SIDT1: variants seen among roughly 807,000 people sequenced by gnomAD.
The protein encoded by SIDT1 is SID1 transmembrane family member 1, also known as SID1 transmembrane family, member 1.
A neutral mutation model predicts 107.5 loss-of-function variants in SIDT1; 101 were observed. The ratio of observed to expected loss-of-function variants is 0.94; its 90% CI spans 0.80 to 1.11. SIDT1 has a LOEUF of 1.11. Ranked by LOEUF, SIDT1 falls within the 50% of genes least tolerant of loss-of-function variation. SIDT1 has a pLI of 0.00. For missense variants in SIDT1, 1,076 were observed against 1,058.2 expected (o/e 1.02, Z -0.23); for synonymous variants, 395 against 398.2 (o/e 0.99, Z 0.10).
chr3:113,631,993 T>C (rs903894269), downstream of SIDT1, among the ~76,000 whole-genome samples: 9 of 152,312 alleles, frequency 5.9e-5, no homozygotes, highest in African/African-American at 2.2e-4. Context: ...TCCTACATCT[T>C]TTTGTCTACC....
intron 3 of SIDT1, among the ~76,000 whole-genome samples, chr3:113,571,447 T>C (rs1440756819): frequency 2.0e-5 from 3 of 148,970 alleles, no homozygotes; most frequent in Non-Finnish European, 4.5e-5. Context: ...GAAACAACTC[T>C]ACTTTAAAGC....
intron 1 of SIDT1, among the ~76,000 whole-genome samples, chr3:113,546,181 T>C (rs936478997): frequency 6.6e-6 from 1 of 152,158 alleles, no homozygotes; most frequent in Non-Finnish European, 1.5e-5. Flanking sequence ...ACTGATAAGA[T>C]GAGAGGATTG....
rs549515466 is a variant in SIDT1, at chr3:113,616,978, G to A, written c.2043+802G>A. Among the ~76,000 whole-genome samples the A allele has an allele frequency of 8.5e-5, 13 of 152,168 alleles. No homozygotes were observed. In the East Asian group the frequency reaches 2.3e-3, roughly 27 times the overall value. On this transcript the variant is annotated intron_variant, in intron 20 of 24. Transcript: ENST00000264852. Reference sequence around the variant, plus strand: ...GCTGGGATTACAGACGTGAGCCACCGTGCCCTGCCCAATAATGAAATTTTT... The same window carrying A: ...GCTGGGATTACAGACGTGAGCCACCATGCCCTGCCCAATAATGAAATTTTT...
chr3:113,573,239 G>A (rs1942621809), intron 3 of SIDT1, among the ~76,000 whole-genome samples: 1 of 152,206 alleles, frequency 6.6e-6, no homozygotes, highest in Non-Finnish European at 1.5e-5. Context: ...CTTTTATCAT[G>A]TGGAGTTTGA....
intron 18 of SIDT1, among the ~76,000 whole-genome samples, 175 bp from the exon 19 acceptor site, chr3:113,611,910 CT>C (rs55955952): frequency 0.43 from 62,545 of 146,676 alleles, 13,548 homozygotes; most frequent in African/African-American, 0.55. Context: ...GCCCAGTAGC[CT>C]TTTTTTTTTT....
At chr3:113,618,940 T>C (rs1268292106) in intron 20 of SIDT1, among the ~76,000 whole-genome samples, 1 of 152,196 alleles carries the variant, frequency 6.6e-6, no homozygotes, top group Non-Finnish European at 1.5e-5. Flanking sequence ...TTCTCGGGCC[T>C]CAGCCTCTCA....
chr3:113,632,686 C>T (rs1253246102), downstream of SIDT1: 2 of 152,176 alleles, frequency 1.3e-5, no homozygotes, highest in Non-Finnish European at 2.9e-5. Context: ...GAACAAAATG[C>T]ACGTCAGTGA....
chr3:113,628,685 C>T lies in SIDT1; in HGVS notation c.*977C>T, dbSNP rs1022887895. ...ACAGCTCAGTTCTGTGCCCACATCA[C>T]CTTTGGGGAAGAAATCAGCATTCTA... On this transcript the variant is annotated 3_prime_UTR_variant, in exon 25 of 25. Coordinates refer to ENST00000264852, the MANE Select transcript of SIDT1 (RefSeq NM_017699.3). 6.6e-6 allele frequency: 1 copy of T among 152,314 alleles called. No homozygotes were observed. The allele number at this position is 152,314 out of a possible 1,614,324, so 9.4% of individuals were successfully genotyped here.
Position 113,592,992 on chromosome 3 carries a change from T to C in SIDT1, c.1002-13T>C. The C allele has an allele frequency of 1.9e-6, 3 of 1,606,640 alleles. No individual in the cohort carries two copies. The highest frequency in any genetic ancestry group is 2.6e-6 in the Non-Finnish European group (3 of 1,173,192). On this transcript the variant is annotated splice_polypyrimidine_tract_variant and intron_variant, in intron 9 of 24. Transcript: ENST00000264852. ...TCACTGTCTTAGGAGCATGTGTATG[T>C]GCTTGTTTGCAGGTTTCAGAGAAAA...
intron 14 of SIDT1, among the ~76,000 whole-genome samples, chr3:113,605,807 C>G (rs1004057252): frequency 1.3e-5 from 2 of 151,918 alleles, no homozygotes; most frequent in African/African-American, 2.4e-5. Flanking sequence ...AGTTTGAGAC[C>G]AGCCTGGGCA....
chr3:113,632,489 A>G (rs1947100696), downstream of SIDT1, among the ~76,000 whole-genome samples: 1 of 152,228 alleles, frequency 6.6e-6, no homozygotes, highest in Admixed American at 6.5e-5. Flanking sequence ...ATATTTAGGC[A>G]TGAGGTTTAC....
At chr3:113,544,669 A>T (rs1939371190) in intron 1 of SIDT1, among the ~76,000 whole-genome samples, 1 of 152,188 alleles carries the variant, frequency 6.6e-6, no homozygotes, top group Admixed American at 6.5e-5. Flanking sequence ...CATAACACGC[A>T]GAACTGGCAC....
chr3:113,541,384 G>A (rs569981354), intron 1 of SIDT1, among the ~76,000 whole-genome samples: 129 of 152,280 alleles, frequency 8.5e-4, no homozygotes, highest in African/African-American at 3.1e-3. Context: ...TGCCCAGGCT[G>A]GTCTTGAACT....
chr3:113,630,067 AGTGTCTATGCTAACTCTTGCCTGG>A (rs548563726), downstream of SIDT1, among the ~76,000 whole-genome samples: 64 of 152,286 alleles, frequency 4.2e-4, no homozygotes, highest in East Asian at 6.4e-3. Flanking sequence ...TCTGTAGGAC[AGTGTCTATGCTAACTCTTGCCTGG>A]GTTCATGGAC....
In SIDT1 at chr3:113,591,609, G is replaced by A. The variant is rs1350818707; in HGVS notation, c.1002-1396G>A. Among the ~76,000 whole-genome samples, 3 of 152,316 alleles carry A rather than the reference G, an allele frequency of 2.0e-5. No homozygotes were observed. In the East Asian group the frequency reaches 5.8e-4, roughly 29 times the overall value. ...ATATGGGAGGCTGAGGCAGGAGAAT[G>A]GGGTGAACCCGGGAGGCGGAGCTTG... is the stretch of plus-strand genomic sequence containing the variant. On this transcript the variant is annotated intron_variant, in intron 9 of 24. Coordinates refer to ENST00000264852, the MANE Select transcript of SIDT1 (RefSeq NM_017699.3).
At chr3:113,581,302 G>GGCATGATATT in intron 5 of SIDT1, 59 bp from the exon 6 acceptor site, 1 of 1,345,690 alleles carries the variant, frequency 7.4e-7, no homozygotes, top group Non-Finnish European at 1.1e-6. Flanking sequence ...ACCTATGTGT[G>GGCATGATATT]GCATGACATT....
At chr3:113,606,145 T>A (rs1267282517) in intron 14 of SIDT1, among the ~76,000 whole-genome samples, 1 of 152,352 alleles carries the variant, frequency 6.6e-6, no homozygotes, top group African/African-American at 2.4e-5. Context: ...TCCTCATTCC[T>A]CCATAGAATC....
chr3:113,547,027 G>T (rs1048067108), intron 1 of SIDT1, among the ~76,000 whole-genome samples: 4 of 152,052 alleles, frequency 2.6e-5, no homozygotes, highest in African/African-American at 9.7e-5. Context: ...GCATATCATG[G>T]ATCTGCCAGA....
At position 113,583,397 on chromosome 3, in the gene SIDT1, T is replaced by C. The variant is rs925700125; in HGVS notation, c.748-12T>C. The stretch of plus-strand genomic sequence containing the variant: ...CTTACCGCCTATCATAAGGTTGTTA[T>C]GTCTTATGCAGAAGAAGGATTTTCC... On this transcript the variant is annotated splice_polypyrimidine_tract_variant and intron_variant, in intron 6 of 24. Coordinates refer to ENST00000264852, the MANE Select transcript of SIDT1 (RefSeq NM_017699.3). The C allele has an allele frequency of 1.9e-6, 3 of 1,581,636 alleles. No individual in the cohort carries two copies. The highest frequency in any genetic ancestry group is 2.2e-5 in the East Asian group (1 of 44,580).
Sources: gnomAD v4.1 joint callset for allele counts (sites outside exome capture counted in the v4.1 genomes callset) on GRCh38, gnomAD v4.1.1 for gene constraint, MANE v1.5 for transcripts, NCBI Gene and HGNC (gene_info 2026-07-23, HGNC 2026-07-21) for gene names.